The following HS2ST1 variants were observed in gnomAD, a reference collection of about 807,000 sequenced individuals.
HS2ST1 encodes heparan sulfate 2-O-sulfotransferase 1.
Under a neutral mutation model 42.9 loss-of-function variants are expected in HS2ST1, and 18 were observed. The ratio of observed to expected loss-of-function variants is 0.42; its 90% CI spans 0.29 to 0.62. The LOEUF (loss-of-function observed/expected upper bound fraction) is 0.62, where lower values mean the gene tolerates loss of function less well. Among genes scored for constraint, HS2ST1 ranks in the 20% least tolerant of loss-of-function variants. HS2ST1 has a pLI of 0.21. For missense variants in HS2ST1, 334 were observed against 433.8 expected (o/e 0.77, Z 2.04); for synonymous variants, 146 against 152.9 (o/e 0.95, Z 0.33).
intron 1 of HS2ST1, among the ~76,000 whole-genome samples, chr1:86,916,060 G>A (rs935507042): frequency 6.6e-6 from 1 of 152,176 alleles, no homozygotes; most frequent in East Asian, 1.9e-4. Context: ...CAAAAAGTTG[G>A]TGTGAAGTTG....
chr1:87,036,015 CCCTGTGT>C (rs147813963), intron 1 of HS2ST1, among the ~76,000 whole-genome samples: 7,874 of 152,118 alleles, frequency 0.052, 303 homozygotes, highest in Non-Finnish European at 0.082. Flanking sequence ...ATGTTCCCCT[CCCTGTGT>C]CCATGTGTTC....
intron 1 of HS2ST1, among the ~76,000 whole-genome samples, chr1:87,005,125 T>G (rs1325229615): frequency 1.3e-5 from 2 of 152,204 alleles, no homozygotes; most frequent in African/African-American, 4.8e-5. Flanking sequence ...TGTATCAATA[T>G]CTTTTAAAGT....
intron 1 of HS2ST1, among the ~76,000 whole-genome samples, chr1:86,938,137 A>C (rs1252472332): frequency 6.6e-6 from 1 of 152,144 alleles, no homozygotes; most frequent in Non-Finnish European, 1.5e-5. Flanking sequence ...TATTTAAGGA[A>C]AGATTCATTG....
intron 1 of HS2ST1, among the ~76,000 whole-genome samples, chr1:86,991,684 G>A (rs899135770): frequency 1.3e-5 from 2 of 152,116 alleles, no homozygotes; most frequent in Admixed American, 6.5e-5. Flanking sequence ...ACTTCCTTTG[G>A]TAAGAAGCTT....
intron 1 of HS2ST1, among the ~76,000 whole-genome samples, chr1:86,945,846 A>G (rs1211897974): frequency 6.6e-6 from 1 of 152,176 alleles, no homozygotes; most frequent in Non-Finnish European, 1.5e-5. Flanking sequence ...AGGCAGGTGG[A>G]TGGATTGAGC....
intron 1 of HS2ST1, among the ~76,000 whole-genome samples, chr1:86,915,462 CAG>C (rs1392617056): frequency 6.6e-6 from 1 of 152,146 alleles, no homozygotes; most frequent in East Asian, 1.9e-4. Context: ...AGACCGAACT[CAG>C]TGGGGAGCGT....
Position 87,050,764 on chromosome 1 carries a change from T to C in HS2ST1, c.125-22170T>C, listed in dbSNP as rs139479979. On this transcript the variant is annotated intron_variant, in intron 1 of 6. Transcript: ENST00000370550. The stretch of plus-strand genomic sequence containing the variant: ...TCTTAGATTACTCTAGGGTCAGAAA[T>C]CATGGTCCTGCCCTACTTATCTGAC... 4.6e-3 allele frequency among the ~76,000 whole-genome samples: 702 copies of C among 152,218 alleles called. 4 individuals are homozygous for C. The highest frequency in any genetic ancestry group is 0.02 in the Middle Eastern group (6 of 294).
chr1:87,019,347 T>G (rs1649853694), intron 1 of HS2ST1, among the ~76,000 whole-genome samples: 1 of 152,238 alleles, frequency 6.6e-6, no homozygotes, highest in Non-Finnish European at 1.5e-5. Context: ...ATACTGAGTT[T>G]ACTAGGACAT....
intron 1 of HS2ST1, among the ~76,000 whole-genome samples, chr1:86,917,515 T>C (rs1660188415): frequency 7.5e-6 from 1 of 133,894 alleles, no homozygotes; most frequent in Non-Finnish European, 1.6e-5. Flanking sequence ...TGAGACTCAG[T>C]CTCAAAAAAA....
At chr1:87,090,320 C>A (rs2100648698) in intron 3 of HS2ST1, among the ~76,000 whole-genome samples, 1 of 152,136 alleles carries the variant, frequency 6.6e-6, no homozygotes, top group Admixed American at 6.5e-5. Context: ...GGAACTTCTA[C>A]TCTAATACCG....
intron 1 of HS2ST1, among the ~76,000 whole-genome samples, chr1:86,986,782 C>G (rs573285666): frequency 2.4e-4 from 36 of 152,174 alleles, no homozygotes; most frequent in Non-Finnish European, 4.0e-4. Context: ...TGAAACAGCC[C>G]TGCTGACATC....
intron 1 of HS2ST1, among the ~76,000 whole-genome samples, chr1:87,070,963 T>C (rs1011427439): frequency 1.3e-5 from 2 of 152,214 alleles, no homozygotes; most frequent in African/African-American, 4.8e-5. Flanking sequence ...AATTATCTTA[T>C]ATCTCCTGGA....
At chr1:87,045,300 G>T in intron 1 of HS2ST1, 1 of 1,146,662 alleles carries the variant, frequency 8.7e-7, no homozygotes, top group African/African-American at 1.5e-5. Context: ...TAATCTGCTT[G>T]AAGCCAGCTG....
chr1:87,045,177 G>T, intron 1 of HS2ST1: 1 of 889,934 alleles, frequency 1.1e-6, no homozygotes, highest in Non-Finnish European at 1.9e-6. Context: ...AGCATCTTCA[G>T]CTTGTTTTGG....
chr1:87,009,144 T>C (rs1649521534), intron 1 of HS2ST1, among the ~76,000 whole-genome samples: 1 of 152,154 alleles, frequency 6.6e-6, no homozygotes, highest in Non-Finnish European at 1.5e-5. Context: ...CCAGAAGGAG[T>C]TTGAAATTAG....
chr1:86,972,526 G>A (rs1648262463), intron 1 of HS2ST1, among the ~76,000 whole-genome samples: 1 of 152,026 alleles, frequency 6.6e-6, no homozygotes, highest in South Asian at 2.1e-4. Context: ...TTTTATTATT[G>A]TTGCTGTTAA....
intron 1 of HS2ST1, among the ~76,000 whole-genome samples, chr1:86,994,565 T>C (rs951067195): frequency 2.6e-5 from 4 of 152,106 alleles, no homozygotes; most frequent in African/African-American, 9.7e-5. Flanking sequence ...TTTTTGAGGA[T>C]AATTAAACAA....
chr1:86,916,863 A>G (rs752214504), intron 1 of HS2ST1, among the ~76,000 whole-genome samples: 2 of 152,160 alleles, frequency 1.3e-5, no homozygotes, highest in African/African-American at 2.4e-5. Flanking sequence ...GATTTCTTAG[A>G]CACGTTACAG....
At chr1:87,015,950 G>C in intron 1 of HS2ST1, among the ~76,000 whole-genome samples, 1 of 151,918 alleles carries the variant, frequency 6.6e-6, no homozygotes. Flanking sequence ...CTGGGTAGCT[G>C]GGATTACAGG....
Sources: allele counts gnomAD v4.1 joint callset (sites outside exome capture counted in the v4.1 genomes callset), GRCh38; gene constraint gnomAD v4.1.1; transcripts MANE v1.5; gene names NCBI Gene and HGNC (gene_info 2026-07-23, HGNC 2026-07-21).